The following KLHL5 variants were observed in gnomAD, a reference collection of about 807,000 sequenced individuals.
The protein encoded by KLHL5 is kelch-like protein 5.
In KLHL5, 48 loss-of-function variants were observed where a neutral mutation model predicts 77.7. That is an observed-to-expected ratio of 0.62 (90% CI 0.49 to 0.79). KLHL5 has a LOEUF of 0.79. Among genes scored for constraint, KLHL5 ranks in the 30% least tolerant of loss-of-function variants. The pLI, the probability that KLHL5 is intolerant of heterozygous loss-of-function variation, is 0.00. For missense variants in KLHL5, 723 were observed against 859.7 expected (o/e 0.84, Z 1.99); for synonymous variants, 260 against 297.0 (o/e 0.88, Z 1.28).
intron 4 of KLHL5, among the ~76,000 whole-genome samples, 155 bp downstream of exon 4, chr4:39,082,314 A>AT (rs1321463232): frequency 6.6e-6 from 1 of 152,158 alleles, no homozygotes. Flanking sequence ...TTGAGTTATA[A>AT]TGGGAAAGCA....
chr4:39,097,017 C>T, intron 6 of KLHL5, 139 bp downstream of exon 6: 1 of 681,168 alleles, frequency 1.5e-6, no homozygotes, highest in Non-Finnish European at 2.5e-6. Context: ...AATTGTGTAA[C>T]ATCCTCTAGG....
chr4:39,117,215 G>T (rs9998481), intron 10 of KLHL5, among the ~76,000 whole-genome samples: 1 of 151,766 alleles, frequency 6.6e-6, no homozygotes, highest in East Asian at 2.0e-4. Context: ...GCGGAAGATC[G>T]CTTGAGCCCA....
chr4:39,120,726 G>A (rs1040005151), intron 10 of KLHL5, among the ~76,000 whole-genome samples: 3 of 152,192 alleles, frequency 2.0e-5, no homozygotes, highest in Non-Finnish European at 2.9e-5. Context: ...CTAAAATAGA[G>A]TGTTTCATGT....
At chr4:39,094,975 T>TTTC (rs1267178253) in intron 5 of KLHL5, among the ~76,000 whole-genome samples, 2 of 152,074 alleles carry the variant, frequency 1.3e-5, no homozygotes, top group African/African-American at 4.8e-5. Flanking sequence ...TAACCAGGAC[T>TTTC]ATGAAAAGAA....
rs1401197283 is a variant in KLHL5, at chr4:39,050,509, C to G, written c.-95+5413C>G. Among the ~76,000 whole-genome samples, 10 of 152,138 alleles carry G rather than the reference C, an allele frequency of 6.6e-5. No homozygotes were observed. The East Asian group carries it at 1.7e-3, about 26-fold the overall frequency. Reference sequence around the variant, plus strand: ...ACATGTATTTCTTTCTTCTTTTTCTCTATTGATTAATTTTTCTCTATTTTG... The same window carrying G: ...ACATGTATTTCTTTCTTCTTTTTCTGTATTGATTAATTTTTCTCTATTTTG... On this transcript the variant is annotated intron_variant, in intron 1 of 11. Coordinates refer to the KLHL5 transcript ENST00000261425.
intron 1 of KLHL5, among the ~76,000 whole-genome samples, chr4:39,052,430 T>C (rs1435093448): frequency 1.3e-5 from 2 of 152,114 alleles, no homozygotes; most frequent in Non-Finnish European, 2.9e-5. Flanking sequence ...CATTTACTCT[T>C]TTTTATAATG....
chr4:39,080,357 T>C (rs1413427913), intron 2 of KLHL5, among the ~76,000 whole-genome samples: 1 of 151,868 alleles, frequency 6.6e-6, no homozygotes, highest in African/African-American at 2.4e-5. Flanking sequence ...CGAAACTCCA[T>C]CTCTACTAAA....
the KLHL5 span, chr4:39,135,573 AATG>A: frequency 6.6e-6 from 1 of 152,406 alleles, no homozygotes; most frequent in Non-Finnish European, 1.5e-5. Context: ...CTGAGCAGGT[AATG>A]AAGACTGGAT....
chr4:39,051,346 A>G (rs1042181228), intron 1 of KLHL5, among the ~76,000 whole-genome samples: 8 of 146,160 alleles, frequency 5.5e-5, no homozygotes, highest in African/African-American at 1.8e-4. Context: ...GAGATGGTAT[A>G]TGTTACCTGA....
the KLHL5 span, among the ~76,000 whole-genome samples, chr4:39,138,368 A>G: frequency 6.6e-6 from 1 of 152,220 alleles, no homozygotes; most frequent in African/African-American, 2.4e-5. Context: ...CCCATCAATG[A>G]TAGACTGAAT....
intron 1 of KLHL5, among the ~76,000 whole-genome samples, chr4:39,071,520 A>ATGTATTGTGTGAGCACATTGTGTGTG (rs1718478481): frequency 6.6e-6 from 1 of 152,232 alleles, no homozygotes; most frequent in Non-Finnish European, 1.5e-5. Flanking sequence ...GTGTGAGCAC[A>ATGTATTGTGTGAGCACATTGTGTGTG]TGTACATGTA....
chr4:39,133,653 G>A, the KLHL5 span, among the ~76,000 whole-genome samples: 1 of 150,804 alleles, frequency 6.6e-6, no homozygotes, highest in Non-Finnish European at 1.5e-5. Flanking sequence ...ATATTTAAAT[G>A]AGCACCTTTC....
At position 39,063,005 on chromosome 4, in the gene KLHL5, A is replaced by G; in HGVS notation, c.353A>G (p.Glu118Gly). The change falls in exon 1 of 11, where the codon GAA (glutamate) becomes GGA (glycine). Residue 118 changes from glutamate (E) to glycine (G), a missense_variant. Glu to Gly is a moderately conservative substitution (Grantham distance 98). Transcript: ENST00000504108. Reference sequence around the variant, plus strand: ...GAAGTGGATGATGGCACTAGTGAAGAAGAAAATGAATCTGATTCCAGTTCA... The same window carrying G: ...GAAGTGGATGATGGCACTAGTGAAGGAGAAAATGAATCTGATTCCAGTTCA... ...RPEVDDGTSEEENESDSSSCR... is the reference protein window; with the variant it reads ...RPEVDDGTSEGENESDSSSCR... 6.2e-7 allele frequency: 1 copy of G among 1,613,086 alleles called. No individual in the cohort carries two copies. The highest frequency in any genetic ancestry group is 8.5e-7 in the Non-Finnish European group (1 of 1,179,502).
rs60163692 is a variant in KLHL5, at chr4:39,069,535, C to CATATATATAT, written c.384-6406_384-6397dup. 2.3e-3 allele frequency among the ~76,000 whole-genome samples: 317 copies of CATATATATAT among 136,260 alleles called. 4 individuals carry two copies. The highest frequency in any genetic ancestry group is 7.8e-3 in the African/African-American group (275 of 35,404). The allele number at this position is 136,260 out of a possible 152,430, so 89.4% of individuals were successfully genotyped here. A position where few individuals can be genotyped will look rare whatever the true frequency, so the allele number is the denominator to read the frequency against. ...TTATACTATTTTTATACTTTTTTAC[C>CATATATATAT]ATATATATATATATATATATATATA... On this transcript the variant is annotated intron_variant, in intron 1 of 10. Coordinates refer to ENST00000504108, the MANE Select transcript of KLHL5 (RefSeq NM_015990.5).
chr4:39,109,186 TATC>T (rs1722264079), intron 8 of KLHL5, among the ~76,000 whole-genome samples: 1 of 152,268 alleles, frequency 6.6e-6, no homozygotes, highest in African/African-American at 2.4e-5. Context: ...CATCTTTTCT[TATC>T]ATTGCTTTGT....
At chr4:39,085,913 A>G (rs2566145) in intron 4 of KLHL5, among the ~76,000 whole-genome samples, 114,040 of 152,060 alleles carry the variant, frequency 0.75, 42,813 homozygotes, top group East Asian at 0.83. Context: ...ATCCTAGATG[A>G]TCTTATAAAT....
At chr4:39,053,388 C>T (rs1189852473) in intron 1 of KLHL5, among the ~76,000 whole-genome samples, 1 of 152,112 alleles carries the variant, frequency 6.6e-6, no homozygotes, top group Non-Finnish European at 1.5e-5. Flanking sequence ...TTTTAATCTC[C>T]ATCACCATAA....
chr4:39,056,572 G>T (rs1172884545), intron 1 of KLHL5, among the ~76,000 whole-genome samples: 2 of 152,070 alleles, frequency 1.3e-5, no homozygotes, highest in African/African-American at 2.4e-5. Context: ...TGTGTTTGTG[G>T]TATCGAGTGA....
chr4:39,134,827 G>A, the KLHL5 span, among the ~76,000 whole-genome samples: 1 of 152,224 alleles, frequency 6.6e-6, no homozygotes, highest in African/African-American at 2.4e-5. Context: ...AGAGAGCAGG[G>A]ATGCTGAGTG....
Sources: gnomAD v4.1 joint callset for allele counts (sites outside exome capture counted in the v4.1 genomes callset) on GRCh38, gnomAD v4.1.1 for gene constraint, MANE v1.5 for transcripts, NCBI Gene and HGNC (gene_info 2026-07-23, HGNC 2026-07-21) for gene names.